Variants in UNC5B observed in about 807,000 individuals in gnomAD.
The protein encoded by UNC5B is netrin receptor UNC5B.
Under a neutral mutation model 103.7 loss-of-function variants are expected in UNC5B, and 56 were observed. The ratio of observed to expected loss-of-function variants is 0.54; its 90% CI spans 0.44 to 0.67. UNC5B has a LOEUF of 0.67. Among genes scored for constraint, UNC5B ranks in the 30% least tolerant of loss-of-function variants. The pLI is 0.00. For missense variants in UNC5B, 1,194 were observed against 1,284.5 expected, an observed-to-expected ratio of 0.93 and a Z score of 1.08; for synonymous variants, 577 against 542.0, an observed-to-expected ratio of 1.06 and a Z score of -0.90.
At chr10:71,290,424 C>A (rs1311415317) in intron 8 of UNC5B, among the ~76,000 whole-genome samples, 2 of 152,182 alleles carry the variant, frequency 1.3e-5, no homozygotes, top group East Asian at 3.8e-4. Context: ...CCCTCCACTT[C>A]CCACCCTCAG....
In UNC5B at chr10:71,212,605, G is replaced by GAGCCGCACGC. The variant is rs1432738671; in HGVS notation, c.-374_-365dup. ...GCGGCTGGGGCCGGCTAGGGCGCCG[G>GAGCCGCACGC]AGCCGCACGCAGCCGCGGGGCTCCG... On this transcript the variant is annotated 5_prime_UTR_variant, in exon 1 of 17. Transcript: ENST00000335350. 6.1e-6 allele frequency: 1 copy of GAGCCGCACGC among 163,522 alleles called. No homozygotes were observed. Among genetic ancestry groups the GAGCCGCACGC allele is most frequent in the East Asian group, 1.7e-4 (1 of 5,884 alleles). 10.1% of individuals were successfully genotyped at this position (163,522 alleles called of 1,614,324 possible). A position where few individuals can be genotyped will look rare whatever the true frequency, so the allele number is the denominator to read the frequency against.
chr10:71,238,025 C>T (rs1000005101), intron 1 of UNC5B, among the ~76,000 whole-genome samples: 9 of 152,144 alleles, frequency 5.9e-5, no homozygotes, highest in African/African-American at 2.2e-4. Context: ...TCCACTGAGT[C>T]GCCTCATTAA....
At chr10:71,219,483 G>A (rs113721046) in intron 1 of UNC5B, among the ~76,000 whole-genome samples, 8,141 of 152,160 alleles carry the variant, frequency 0.054, 742 homozygotes, top group African/African-American at 0.18. Context: ...CTCTTTTCAC[G>A]TTTTTCTGTC....
At chr10:71,224,364 G>GACGCACGCAC (rs1197780490) in intron 1 of UNC5B, among the ~76,000 whole-genome samples, 1 of 97,350 alleles carries the variant, frequency 1.0e-5, no homozygotes, top group African/African-American at 3.8e-5. Flanking sequence ...TCTGTATGTA[G>GACGCACGCAC]ACACACACAC....
intron 1 of UNC5B, among the ~76,000 whole-genome samples, chr10:71,266,110 C>A (rs1377846788): frequency 1.3e-5 from 2 of 152,134 alleles, no homozygotes; most frequent in African/African-American, 2.4e-5. Context: ...CCTTATCCCT[C>A]CTCAAGAAAT....
chr10:71,302,855 T>C lies in UNC5B; in HGVS notation c.*3578T>C, dbSNP rs1385179137. On this transcript the variant is annotated 3_prime_UTR_variant, in exon 17 of 17. Transcript: ENST00000335350. Reference sequence around the variant, plus strand: ...TTATGAAATAAATTATATTTCCTAGTCTAATAAAATCCGGGTTGCATTTGG... The same window carrying C: ...TTATGAAATAAATTATATTTCCTAGCCTAATAAAATCCGGGTTGCATTTGG... 6.6e-6 allele frequency: 1 copy of C among 152,224 alleles called. No homozygotes were observed. The allele number at this position is 152,224 out of a possible 1,614,324, so 9.4% of individuals were successfully genotyped here. A position where few individuals can be genotyped will look rare whatever the true frequency, so the allele number is the denominator to read the frequency against.
At chr10:71,218,913 C>T (rs1045575386) in intron 1 of UNC5B, among the ~76,000 whole-genome samples, 1 of 152,134 alleles carries the variant, frequency 6.6e-6, no homozygotes, top group Non-Finnish European at 1.5e-5. Flanking sequence ...GGACTCTCAG[C>T]GGTAGCAATT....
chr10:71,276,654 G>A (rs1254361557), intron 1 of UNC5B, among the ~76,000 whole-genome samples: 9 of 152,176 alleles, frequency 5.9e-5, no homozygotes, highest in Non-Finnish European at 8.8e-5. Flanking sequence ...GGCTGGTCTC[G>A]AGCTCCTGAG....
At chr10:71,232,964 C>T (rs761621682) in intron 1 of UNC5B, among the ~76,000 whole-genome samples, 17 of 152,190 alleles carry the variant, frequency 1.1e-4, no homozygotes, top group Admixed American at 2.0e-4. Context: ...CACAAAGCTG[C>T]GACCTTACTC....
At chr10:71,280,162 A>G (rs897195376) in intron 2 of UNC5B, 117 bp downstream of exon 2, 1 of 1,152,462 alleles carries the variant, frequency 8.7e-7, no homozygotes, top group African/African-American at 1.5e-5. Context: ...CATTTCCCCA[A>G]GTGCTGGCCA....
chr10:71,291,638 G>A lies in UNC5B; in HGVS notation c.1501G>A (p.Asp501Asn), dbSNP rs770485553. The change falls in exon 10 of 17, where the codon GAC becomes AAC. Residue 501 changes from aspartate (D) to asparagine (N), a missense_variant. Coordinates refer to ENST00000335350, the MANE Select transcript of UNC5B (RefSeq NM_170744.5). ...GSGPGLADGADLLGVLPPGTY... is the reference protein window; with the variant it reads ...GSGPGLADGANLLGVLPPGTY... ...TGGGCCAGGCCTGGCAGATGGGGCTGACCTGCTGGGGGTCTTGCCGCCTGG... is the reference window on the plus strand; with the variant it reads ...TGGGCCAGGCCTGGCAGATGGGGCTAACCTGCTGGGGGTCTTGCCGCCTGG... 3.1e-6 allele frequency: 5 copies of A among 1,613,846 alleles called. No individual in the cohort carries two copies. The East Asian group carries it at 1.1e-4, about 36-fold the overall frequency.
At chr10:71,264,972 A>T (rs377063671) in intron 1 of UNC5B, among the ~76,000 whole-genome samples, 26 of 5,332 alleles carry the variant, frequency 4.9e-3, no homozygotes, top group South Asian at 0.015. Context: ...CTGTCTCTAT[A>T]AAAAAAAAAA....
chr10:71,274,323 G>A (rs2132293586), intron 1 of UNC5B, among the ~76,000 whole-genome samples: 2 of 152,114 alleles, frequency 1.3e-5, no homozygotes, highest in Middle Eastern at 6.8e-3. Context: ...TTGCACCACT[G>A]CACTCCAGCT....
At chr10:71,298,236 G>A (rs1845494939) in intron 16 of UNC5B, 146 bp downstream of exon 16, 1 of 893,092 alleles carries the variant, frequency 1.1e-6, no homozygotes, top group Non-Finnish European at 1.7e-6. Context: ...CAGCAACTCA[G>A]GATTGGATAT....
chr10:71,223,528 C>T (rs1194766346), intron 1 of UNC5B, among the ~76,000 whole-genome samples: 6 of 152,056 alleles, frequency 3.9e-5, no homozygotes, highest in African/African-American at 1.4e-4. Flanking sequence ...GATCAGAGCC[C>T]CTAGGTAGGA....
At chr10:71,258,132 G>T (rs564008015) in intron 1 of UNC5B, among the ~76,000 whole-genome samples, 4 of 152,298 alleles carry the variant, frequency 2.6e-5, no homozygotes, top group South Asian at 2.1e-4. Flanking sequence ...AGAAACCAAG[G>T]CCAGGGAGAC....
intron 9 of UNC5B, 132 bp downstream of exon 9, chr10:71,291,241 T>A: frequency 7.5e-7 from 1 of 1,332,600 alleles, no homozygotes; most frequent in Non-Finnish European, 1.0e-6. Flanking sequence ...GAGATAACTA[T>A]GTGGATGGGT....
In UNC5B at chr10:71,212,957, G is replaced by T. The variant is rs1843257209; in HGVS notation, c.-29G>T. 1 of 1,318,838 alleles carries T rather than the reference G, an allele frequency of 7.6e-7. No individual in the cohort carries two copies. The highest frequency in any genetic ancestry group is 1.5e-5 in the African/African-American group (1 of 66,392). The allele number at this position is 1,318,838 out of a possible 1,614,324, so 81.7% of individuals were successfully genotyped here. A position where few individuals can be genotyped will look rare whatever the true frequency, so the allele number is the denominator to read the frequency against. On this transcript the variant is annotated 5_prime_UTR_variant, in exon 1 of 17. Transcript: ENST00000335350. ...TGGGGCCAGGGAGACAGCCCTGGGGGAGAGGCGCCCGAACCAGGCCGCGGG... is the reference window on the plus strand; with the variant it reads ...TGGGGCCAGGGAGACAGCCCTGGGGTAGAGGCGCCCGAACCAGGCCGCGGG...
chr10:71,275,832 C>G (rs904299179), intron 1 of UNC5B, among the ~76,000 whole-genome samples: 1 of 151,914 alleles, frequency 6.6e-6, no homozygotes, highest in Non-Finnish European at 1.5e-5. Flanking sequence ...TCAGACACTG[C>G]ACCAACAAGT....
Sources: allele counts gnomAD v4.1 joint callset (sites outside exome capture counted in the v4.1 genomes callset), GRCh38; gene constraint gnomAD v4.1.1; transcripts MANE v1.5; gene names NCBI Gene and HGNC (gene_info 2026-07-23, HGNC 2026-07-21).